TSHR: variants seen among roughly 807,000 people sequenced by gnomAD.
TSHR encodes the protein thyrotropin receptor.
A neutral mutation model predicts 64.1 loss-of-function variants in TSHR; 51 were observed. The observed-to-expected ratio is 0.80, with a 90% confidence interval of 0.64 to 1.01. The LOEUF is 1.01. Ranked by LOEUF, TSHR falls within the 50% of genes least tolerant of loss-of-function variation. TSHR has a pLI of 0.00. For missense variants in TSHR, 877 were observed against 942.8 expected, an observed-to-expected ratio of 0.93 and a Z score of 0.91; for synonymous variants, 361 against 361.9, an observed-to-expected ratio of 1.00 and a Z score of 0.03.
At chr14:81,112,264 T>C (rs1053599956) in intron 8 of TSHR, among the ~76,000 whole-genome samples, 3 of 152,196 alleles carry the variant, frequency 2.0e-5, no homozygotes, top group African/African-American at 7.2e-5. Context: ...ATATCCTCAA[T>C]AATGTTAGAC....
intron 8 of TSHR, among the ~76,000 whole-genome samples, chr14:81,137,069 C>A (rs932548137): frequency 5.3e-5 from 8 of 152,122 alleles, no homozygotes; most frequent in Non-Finnish European, 8.8e-5. Flanking sequence ...TAGTATCTGC[C>A]CGCTTCATAA....
chr14:81,013,688 T>G (rs1890039285), intron 1 of TSHR: 1 of 152,224 alleles, frequency 6.6e-6, no homozygotes, highest in South Asian at 2.1e-4. Flanking sequence ...GTGACTCACC[T>G]GGACCCCACA....
At chr14:80,971,299 G>A (rs1004369118) in intron 1 of TSHR, among the ~76,000 whole-genome samples, 1 of 152,194 alleles carries the variant, frequency 6.6e-6, no homozygotes, top group Admixed American at 6.5e-5. Context: ...TAGCAGACCA[G>A]TATGATGATG....
rs750972584 is a variant in TSHR at position 81,143,468 on chromosome 14, C to T, written c.1410C>T (p.Ile470=). The change falls in exon 10 of 10, where the codon ATC becomes ATT. Residue 470 remains isoleucine (I), a synonymous_variant. Coordinates refer to ENST00000298171, the MANE Select transcript of TSHR (RefSeq NM_000369.5). The part of the protein sequence containing the change: ...DFCMGMYLLL[I]ASVDLYTHSE... The stretch of plus-strand genomic sequence containing the variant: ...GCATGGGGATGTACCTGCTCCTCAT[C>T]GCCTCTGTAGACCTCTACACTCACT... 2.3e-5 allele frequency: 37 copies of T among 1,614,066 alleles called. No homozygotes were observed. The Admixed American group carries it at 2.5e-4, about 11-fold the overall frequency.
chr14:81,128,830 T>C (rs913462251), intron 8 of TSHR, among the ~76,000 whole-genome samples: 3 of 152,164 alleles, frequency 2.0e-5, no homozygotes, highest in Non-Finnish European at 4.4e-5. Flanking sequence ...ATGCCCTATT[T>C]AAGTTTGCAA....
At chr14:80,987,665 T>C (rs186961222) in intron 1 of TSHR, among the ~76,000 whole-genome samples, 4 of 152,336 alleles carry the variant, frequency 2.6e-5, no homozygotes, top group Non-Finnish European at 2.9e-5. Flanking sequence ...ACATCGTCAA[T>C]GCTAACCTTG....
chr14:81,081,424 C>T (rs923711741), intron 3 of TSHR, among the ~76,000 whole-genome samples: 4 of 152,050 alleles, frequency 2.6e-5, no homozygotes, highest in African/African-American at 7.2e-5. Context: ...GGGGGAGGGG[C>T]GCAGAGCTTC....
chr14:81,108,214 T>A, intron 7 of TSHR, 161 bp from the exon 8 acceptor site: 1 of 639,256 alleles, frequency 1.6e-6, no homozygotes, highest in Non-Finnish European at 2.7e-6. Context: ...AAACCTAGAA[T>A]GTTTTAAGTG....
At chr14:80,996,005 A>G (rs1888999499) in intron 1 of TSHR, among the ~76,000 whole-genome samples, 1 of 152,154 alleles carries the variant, frequency 6.6e-6, no homozygotes, top group African/African-American at 2.4e-5. Context: ...GGTGAACTGT[A>G]TCTGTTTTTG....
At chr14:81,017,751 G>T (rs1448682300) in intron 1 of TSHR, among the ~76,000 whole-genome samples, 1 of 151,762 alleles carries the variant, frequency 6.6e-6, no homozygotes, top group Admixed American at 6.6e-5. Context: ...AAATAGCCAT[G>T]ACTCAGGCCT....
chr14:81,085,346 C>T (rs1888214647), intron 3 of TSHR, among the ~76,000 whole-genome samples: 1 of 152,212 alleles, frequency 6.6e-6, no homozygotes, highest in Non-Finnish European at 1.5e-5. Flanking sequence ...TCAGGAGATA[C>T]TTTTCAAAAG....
chr14:81,005,441 T>C (rs1383980634), intron 1 of TSHR, among the ~76,000 whole-genome samples: 11 of 137,614 alleles, frequency 8.0e-5, no homozygotes, highest in Non-Finnish European at 1.6e-4. Context: ...AAAGTTCTAA[T>C]ATTTTTCTGC....
At chr14:81,125,522 G>A (rs1410178875) in intron 8 of TSHR, among the ~76,000 whole-genome samples, 1 of 152,018 alleles carries the variant, frequency 6.6e-6, no homozygotes, top group African/African-American at 2.4e-5. Flanking sequence ...CACTGAGCTG[G>A]GACTGCTAAT....
intron 4 of TSHR, among the ~76,000 whole-genome samples, chr14:81,089,739 A>T (rs1288396062): frequency 2.6e-5 from 4 of 152,148 alleles, no homozygotes; most frequent in African/African-American, 4.8e-5. Context: ...TGACTCTTGG[A>T]CCTTTTTCCC....
intron 7 of TSHR, among the ~76,000 whole-genome samples, chr14:81,101,275 C>A (rs1274693652): frequency 6.6e-6 from 1 of 152,086 alleles, no homozygotes; most frequent in Non-Finnish European, 1.5e-5. Context: ...ATTCTAAGAA[C>A]TAGTAAAGAT....
intron 1 of TSHR, among the ~76,000 whole-genome samples, chr14:80,970,149 C>A (rs72693057): frequency 0.19 from 28,275 of 152,176 alleles, 3,248 homozygotes; most frequent in Admixed American, 0.28. Flanking sequence ...CTATGAACTC[C>A]ATCAAGTGGT....
chr14:81,142,936 G>A lies in TSHR; in HGVS notation c.882-4G>A. 1 of 1,613,952 alleles carries A rather than the reference G, an allele frequency of 6.2e-7. No homozygotes were observed. Among genetic ancestry groups the A allele is most frequent in the South Asian group, 1.1e-5 (1 of 91,080 alleles). On this transcript the variant is annotated splice_region_variant and splice_polypyrimidine_tract_variant and intron_variant, in intron 9 of 9. Transcript: ENST00000298171. ...GGCACTGACTCTTTTCTGTTGCCTT[G>A]CAGAATCCTTGAGTCCTTGATGTGT...
chr14:81,108,337 A>T, intron 7 of TSHR, 38 bp from the exon 8 acceptor site: 1 of 1,176,984 alleles, frequency 8.5e-7, no homozygotes, highest in Non-Finnish European at 1.2e-6. Flanking sequence ...AAAATCACCT[A>T]ATTCATTCTC....
chr14:80,982,079 G>T (rs182781764), intron 1 of TSHR: 3 of 504,996 alleles, frequency 5.9e-6, no homozygotes, highest in Non-Finnish European at 7.4e-6. Flanking sequence ...GGGAGGCTAC[G>T]GGTGTGGTTA....
Sources: gnomAD v4.1 joint callset for allele counts (sites outside exome capture counted in the v4.1 genomes callset) on GRCh38, gnomAD v4.1.1 for gene constraint, MANE v1.5 for transcripts, NCBI Gene and HGNC (gene_info 2026-07-23, HGNC 2026-07-21) for gene names.